The following RUFY3 variants were observed in gnomAD, a reference collection of about 807,000 sequenced individuals.
RUFY3 encodes the protein protein RUFY3.
A neutral mutation model predicts 84.0 loss-of-function variants in RUFY3; 34 were observed. The observed-to-expected ratio is 0.40, with a 90% CI of 0.31 to 0.54. The LOEUF (loss-of-function observed/expected upper bound fraction) is 0.54, where lower values mean the gene tolerates loss of function less well. RUFY3 is among the 20% of genes least tolerant of loss of function. The pLI, the probability that RUFY3 is intolerant of heterozygous loss-of-function variation, is 0.39. For missense variants in RUFY3, 507 were observed against 736.8 expected (o/e 0.69, Z 3.61); for synonymous variants, 242 against 252.9 (o/e 0.96, Z 0.41).
intron 1 of RUFY3, chr4:70,705,346 G>A: frequency 1.6e-6 from 2 of 1,248,988 alleles, no homozygotes; most frequent in Non-Finnish European, 1.0e-6. Context: ...GCATTCGGCT[G>A]GGGAGGGCCG....
At chr4:70,785,400 C>A (rs1218681170) in intron 10 of RUFY3, among the ~76,000 whole-genome samples, 10 of 151,962 alleles carry the variant, frequency 6.6e-5, no homozygotes, top group Admixed American at 6.6e-4. Flanking sequence ...TATCATCTCA[C>A]TCTAATCAGA....
In RUFY3 at chr4:70,788,863, A is replaced by G. The variant is rs1730338697; in HGVS notation, c.1129A>G (p.Met377Val). 6 of 1,614,180 alleles carry G rather than the reference A, an allele frequency of 3.7e-6. No individual in the cohort carries two copies. Among genetic ancestry groups the G allele is most frequent in the South Asian group, 1.1e-5 (1 of 91,084 alleles). The change falls in exon 11 of 18, where the codon ATG becomes GTG. Residue 377 changes from methionine (M) to valine (V), a missense_variant. By Grantham distance (21) the Met-to-Val change is conservative. Coordinates refer to ENST00000381006, the MANE Select transcript of RUFY3 (RefSeq NM_001037442.4). ...CATGAGGCAGGAGATGGAATTGGCT[A>G]TGAAGATGCTGGAGAAGGATGTCTG... is the stretch of plus-strand genomic sequence containing the variant. The part of the protein sequence containing the change: ...ISMRQEMELA[M>V]KMLEKDVCEK...
intron 14 of RUFY3, among the ~76,000 whole-genome samples, chr4:70,798,900 C>T (rs182153469): frequency 6.6e-6 from 1 of 152,118 alleles, no homozygotes; most frequent in East Asian, 1.9e-4. Context: ...CCTGTAATCC[C>T]AGCACTTTGG....
At chr4:70,705,083 C>T in exon 1 of RUFY3, 1 of 1,311,864 alleles carries the variant, frequency 7.6e-7, no homozygotes, top group Admixed American at 3.9e-5. Context: ...CGCCGCCGGC[C>T]TCCCCCGCCG....
chr4:70,758,425 G>A (rs1724403899), intron 1 of RUFY3, among the ~76,000 whole-genome samples: 1 of 152,016 alleles, frequency 6.6e-6, no homozygotes, highest in South Asian at 2.1e-4. Context: ...GAGGCCAGGA[G>A]TTCAAGACCA....
chr4:70,779,693 C>T (rs923504950), intron 8 of RUFY3, among the ~76,000 whole-genome samples: 9 of 151,788 alleles, frequency 5.9e-5, no homozygotes, highest in Admixed American at 5.9e-4. Context: ...AGTGATCTCC[C>T]ACCCTCAGCC....
At chr4:70,806,378 A>G in intron 17 of RUFY3, 138 bp from the exon 18 acceptor site, 1 of 976,708 alleles carries the variant, frequency 1.0e-6, no homozygotes, top group South Asian at 1.7e-5. Flanking sequence ...CTGTGTTCAG[A>G]TACTACCTGG....
At chr4:70,767,086 C>CT (rs142352419) in intron 4 of RUFY3, among the ~76,000 whole-genome samples, 4,576 of 150,196 alleles carry the variant, frequency 0.03, 161 homozygotes, top group East Asian at 0.16. Flanking sequence ...TGATAGCTCC[C>CT]TTTTTTTTTG....
intron 1 of RUFY3, among the ~76,000 whole-genome samples, chr4:70,710,943 T>G (rs1282113979): frequency 2.0e-5 from 3 of 150,910 alleles, no homozygotes; most frequent in Non-Finnish European, 4.4e-5. Flanking sequence ...TGCACGCCTG[T>G]AATCCCAGCT....
upstream of RUFY3, chr4:70,704,324 A>T (rs1211819483): frequency 6.6e-6 from 1 of 152,284 alleles, no homozygotes; most frequent in Admixed American, 6.5e-5. Flanking sequence ...CAACGGTTGA[A>T]GTTGCAGTGT....
chr4:70,765,784 T>A (rs1200250033), intron 4 of RUFY3, among the ~76,000 whole-genome samples: 1 of 147,996 alleles, frequency 6.8e-6, no homozygotes, highest in African/African-American at 2.5e-5. Flanking sequence ...TGAGACAGAG[T>A]CTCACTCTGT....
chr4:70,707,490 C>T (rs558170881), intron 1 of RUFY3, among the ~76,000 whole-genome samples: 1 of 152,346 alleles, frequency 6.6e-6, no homozygotes, highest in South Asian at 2.1e-4. Flanking sequence ...AAATGATCCA[C>T]TTACCTCAGC....
chr4:70,762,782 A>C, intron 2 of RUFY3, 90 bp downstream of exon 2: 1 of 1,095,950 alleles, frequency 9.1e-7, no homozygotes, highest in Non-Finnish European at 1.3e-6. Context: ...GGAGCCAAAG[A>C]ATAAGAGGCT....
intron 8 of RUFY3, among the ~76,000 whole-genome samples, chr4:70,779,858 C>A (rs1032142347): frequency 2.0e-5 from 3 of 152,012 alleles, no homozygotes; most frequent in Admixed American, 6.5e-5. Context: ...ATAGGCATAG[C>A]CACTGCGCCT....
intron 14 of RUFY3, chr4:70,799,929 T>C (rs1331276944): frequency 6.5e-6 from 3 of 462,136 alleles, no homozygotes; most frequent in African/African-American, 4.1e-5. Flanking sequence ...AAAATATTAC[T>C]TTGAAAATCA....
chr4:70,722,202 AAAGCCAGCT>A lies in RUFY3; in HGVS notation c.-368_-360del, dbSNP rs952298064. On this transcript the variant is annotated 5_prime_UTR_variant, in exon 1 of 18. Transcript: ENST00000381006. ...TTACTCATATCGAGGCCAGATTTTTAAAGCCAGCTAAGGCAGCATCAGCTGTGCGGGATT... is the reference window on the plus strand; with the variant it reads ...TTACTCATATCGAGGCCAGATTTTTAAAGGCAGCATCAGCTGTGCGGGATT... 7.2e-5 allele frequency: 88 copies of A among 1,230,240 alleles called. No homozygotes were observed. The African/African-American group carries it at 1.1e-3, about 16-fold the overall frequency. The allele number at this position is 1,230,240 out of a possible 1,614,324, so 76.2% of individuals were successfully genotyped here. A position where few individuals can be genotyped will look rare whatever the true frequency, so the allele number is the denominator to read the frequency against.
intron 1 of RUFY3, among the ~76,000 whole-genome samples, chr4:70,749,085 T>C (rs544773803): frequency 6.6e-6 from 1 of 152,346 alleles, no homozygotes; most frequent in South Asian, 2.1e-4. Context: ...TTCTTTTCTT[T>C]TTTTTATACC....
chr4:70,789,913 T>C, intron 12 of RUFY3: 2 of 1,036,740 alleles, frequency 1.9e-6, no homozygotes, highest in Non-Finnish European at 1.2e-6. Flanking sequence ...ATGGAAGGAC[T>C]CTTAAATGTA....
chr4:70,765,733 G>T (rs1033114643), intron 4 of RUFY3, among the ~76,000 whole-genome samples: 2 of 151,144 alleles, frequency 1.3e-5, no homozygotes, highest in Non-Finnish European at 3.0e-5. Context: ...TGCTGTTTTT[G>T]TGCTATTTTG....
Sources: gnomAD v4.1 joint callset for allele counts (sites outside exome capture counted in the v4.1 genomes callset) on GRCh38, gnomAD v4.1.1 for gene constraint, MANE v1.5 for transcripts, NCBI Gene and HGNC (gene_info 2026-07-23, HGNC 2026-07-21) for gene names.